TUSC3: variants seen among roughly 807,000 people sequenced by gnomAD.
TUSC3 encodes the protein dolichyl-diphosphooligosaccharide--protein glycosyltransferase subunit TUSC3.
In TUSC3, 45 loss-of-function variants were observed where a neutral mutation model predicts 44.8. The observed-to-expected ratio is 1.00, with a 90% CI of 0.79 to 1.29. The LOEUF (loss-of-function observed/expected upper bound fraction) is 1.29. Among genes scored for constraint, TUSC3 ranks in the 50% most tolerant of loss-of-function variants. The pLI, the probability that TUSC3 is intolerant of heterozygous loss-of-function variation, is 0.00. For synonymous variants in TUSC3, 212 were observed against 152.9 expected, an observed-to-expected ratio of 1.39 and a Z score of -2.85; for missense variants, 519 against 437.9, an observed-to-expected ratio of 1.19 and a Z score of -1.65.
intron 6 of TUSC3, among the ~76,000 whole-genome samples, chr8:15,700,112 C>T (rs1237717339): frequency 6.6e-6 from 1 of 152,116 alleles, no homozygotes; most frequent in Non-Finnish European, 1.5e-5. Flanking sequence ...AAGGCATCAG[C>T]TTAGGGTATG....
chr8:15,792,740 C>A, the TUSC3 span, among the ~76,000 whole-genome samples: 2 of 151,968 alleles, frequency 1.3e-5, no homozygotes, highest in African/African-American at 4.8e-5. Flanking sequence ...CTCAGCTCCT[C>A]GAGTAGCTGG....
At chr8:15,625,129 GATAT>G (rs1279503448) in intron 2 of TUSC3, among the ~76,000 whole-genome samples, 2 of 152,084 alleles carry the variant, frequency 1.3e-5, no homozygotes, top group Non-Finnish European at 2.9e-5. Flanking sequence ...CTTGCCTATG[GATAT>G]AATCAGTTAC....
chr8:15,773,282 A>T, the TUSC3 span, among the ~76,000 whole-genome samples: 1 of 152,204 alleles, frequency 6.6e-6, no homozygotes, highest in African/African-American at 2.4e-5. Context: ...TGCAGGATAC[A>T]TGGTTAACAT....
At chr8:15,737,047 G>T (rs1585284451) in intron 7 of TUSC3, among the ~76,000 whole-genome samples, 1 of 152,028 alleles carries the variant, frequency 6.6e-6, no homozygotes, top group Non-Finnish European at 1.5e-5. Context: ...AGATAACATT[G>T]CATTTTCTGT....
downstream of TUSC3, among the ~76,000 whole-genome samples, chr8:15,766,813 T>C (rs542515285): frequency 6.6e-6 from 1 of 151,998 alleles, no homozygotes; most frequent in Non-Finnish European, 1.5e-5. Context: ...TCCCTAAGGG[T>C]ACGTGAAGGG....
chr8:15,461,597 T>G (rs1198916276), intron 1 of TUSC3, among the ~76,000 whole-genome samples: 1 of 152,036 alleles, frequency 6.6e-6, no homozygotes, highest in Non-Finnish European at 1.5e-5. Context: ...AGAGTGGGCA[T>G]CCTTGTCTTT....
chr8:15,581,737 C>T (rs1438201231), intron 1 of TUSC3, among the ~76,000 whole-genome samples: 1 of 132,470 alleles, frequency 7.5e-6, no homozygotes, highest in African/African-American at 2.7e-5. Flanking sequence ...CAGACAGGGA[C>T]CCTTAAGTCT....
chr8:15,606,958 T>G (rs76855307), intron 1 of TUSC3, among the ~76,000 whole-genome samples: 4,909 of 152,092 alleles, frequency 0.032, 96 homozygotes, highest in East Asian at 0.077. Flanking sequence ...TGTATATATA[T>G]ACTTATAAAA....
At chr8:15,737,676 C>T (rs1398137648) in intron 7 of TUSC3, among the ~76,000 whole-genome samples, 1 of 152,086 alleles carries the variant, frequency 6.6e-6, no homozygotes, top group Non-Finnish European at 1.5e-5. Context: ...TCCAATAAGG[C>T]AAAGCTAGAC....
intron 1 of TUSC3, among the ~76,000 whole-genome samples, chr8:15,620,565 A>C (rs1443939601): frequency 6.6e-6 from 1 of 152,200 alleles, no homozygotes; most frequent in African/African-American, 2.4e-5. Context: ...TAATTGTATG[A>C]TAACTAGAAG....
At chr8:15,564,632 C>T (rs1205588626) in intron 1 of TUSC3, among the ~76,000 whole-genome samples, 1 of 152,042 alleles carries the variant, frequency 6.6e-6, no homozygotes, top group Non-Finnish European at 1.5e-5. Flanking sequence ...GACCTGTTTA[C>T]CGTATGAGTT....
chr8:15,650,514 A>C (rs991095379), intron 2 of TUSC3, among the ~76,000 whole-genome samples, 183 bp from the exon 3 acceptor site: 2 of 152,146 alleles, frequency 1.3e-5, no homozygotes, highest in African/African-American at 2.4e-5. Flanking sequence ...CAGAATTTGA[A>C]TTTTATGTAA....
chr8:15,616,139 A>G (rs1804976445), intron 1 of TUSC3, among the ~76,000 whole-genome samples: 1 of 152,204 alleles, frequency 6.6e-6, no homozygotes, highest in Non-Finnish European at 1.5e-5. Flanking sequence ...ATAGGTTCAG[A>G]AATGAAGACT....
At chr8:15,832,467 C>T in the TUSC3 span, among the ~76,000 whole-genome samples, 1 of 152,082 alleles carries the variant, frequency 6.6e-6, no homozygotes, top group Non-Finnish European at 1.5e-5. Flanking sequence ...CTAAATGTCC[C>T]AATCAAAAGA....
At chr8:15,572,787 G>A (rs1303797837) in intron 1 of TUSC3, among the ~76,000 whole-genome samples, 2 of 152,130 alleles carry the variant, frequency 1.3e-5, no homozygotes, top group African/African-American at 2.4e-5. Flanking sequence ...TGAGAAGAGT[G>A]GAGGTGGGGA....
At chr8:15,592,688 T>G (rs185565469) in intron 1 of TUSC3, among the ~76,000 whole-genome samples, 26 of 152,314 alleles carry the variant, frequency 1.7e-4, no homozygotes, top group African/African-American at 5.8e-4. Flanking sequence ...GCTAGCCAAA[T>G]AAACATATTT....
chr8:15,757,959 C>T (rs1812001767), intron 10 of TUSC3, 104 bp downstream of exon 10: 3 of 1,509,160 alleles, frequency 2.0e-6, no homozygotes, highest in South Asian at 1.3e-5. Context: ...TACTGTTTTA[C>T]AAATGTAAGA....
intron 1 of TUSC3, among the ~76,000 whole-genome samples, chr8:15,424,293 G>C (rs1799777841): frequency 6.6e-6 from 1 of 151,814 alleles, no homozygotes; most frequent in South Asian, 2.1e-4. Context: ...GTCCCTGGCT[G>C]TCTCAGGAGT....
chr8:15,437,084 G>C (rs1004047454), intron 1 of TUSC3, among the ~76,000 whole-genome samples: 1 of 152,050 alleles, frequency 6.6e-6, no homozygotes, highest in Admixed American at 6.6e-5. Context: ...TTAGTCTTTT[G>C]AGTCAAATTA....
Sources: gnomAD v4.1 joint callset for allele counts (sites outside exome capture counted in the v4.1 genomes callset) on GRCh38, gnomAD v4.1.1 for gene constraint, MANE v1.5 for transcripts, NCBI Gene and HGNC (gene_info 2026-07-23, HGNC 2026-07-21) for gene names.